The following ZNF621 variants were observed in gnomAD, a reference collection of about 807,000 sequenced individuals.
ZNF621 encodes the protein zinc finger protein 621.
A neutral mutation model predicts 12.7 loss-of-function variants in ZNF621; 6 were observed. The ratio of observed to expected loss-of-function variants is 0.47; its 90% CI spans 0.26 to 0.93. The LOEUF is 0.93. ZNF621 is among the 40% of genes least tolerant of loss of function. The probability of loss-of-function intolerance (pLI) is 0.15; values close to 1 mark genes in which losing one functional copy is unlikely to be tolerated. For synonymous variants in ZNF621, 156 were observed against 190.3 expected, an observed-to-expected ratio of 0.82 and a Z score of 1.48; for missense variants, 474 against 524.0, an observed-to-expected ratio of 0.90 and a Z score of 0.93.
At position 40,529,453 on chromosome 3, in the gene ZNF621, C is replaced by T; in HGVS notation, c.151+8C>T. ...CAAATGTGGCTTCTCTGGGTAAGGC[C>T]TCCCTCTGTGGCCCTTTGTAACAGT... On this transcript the variant is annotated splice_region_variant and intron_variant, in intron 3 of 4. Transcript: ENST00000339296. 1 of 1,612,532 alleles carries T rather than the reference C, an allele frequency of 6.2e-7. No individual in the cohort carries two copies. The highest frequency in any genetic ancestry group is 8.5e-7 in the Non-Finnish European group (1 of 1,178,992).
At chr3:40,530,912 A>G (rs1245251225) in intron 4 of ZNF621, among the ~76,000 whole-genome samples, 8 of 152,138 alleles carry the variant, frequency 5.3e-5, no homozygotes, top group African/African-American at 1.9e-4. Context: ...ACATGCACAC[A>G]CGCACATGTG....
rs765019605 is a variant in ZNF621, at chr3:40,532,360, A to G, written c.590A>G (p.His197Arg). ...AAGTCCAGCTATGATTGTATTGTAC[A>G]TGAGAAAAACCACATTGGAGAAGGG... ...AFKSSYDCIV[H>R]EKNHIGEGPY... The change falls in exon 5 of 5, where the codon CAT (histidine) becomes CGT (arginine). Residue 197 changes from histidine to arginine, a missense_variant. By Grantham distance (29) the His-to-Arg change is conservative. Coordinates refer to ENST00000339296, the MANE Select transcript of ZNF621 (RefSeq NM_198484.5). 2.5e-6 allele frequency: 4 copies of G among 1,612,750 alleles called. No individual in the cohort carries two copies. The highest frequency in any genetic ancestry group is 3.3e-5 in the Admixed American group (2 of 60,024).
chr3:40,530,139 G>A (rs1698687474), intron 3 of ZNF621, 70 bp from the exon 4 acceptor site: 4 of 1,324,736 alleles, frequency 3.0e-6, no homozygotes, highest in Non-Finnish European at 4.3e-6. Context: ...ATGGAGGGTG[G>A]GCTGAGAAAG....
In ZNF621 at chr3:40,525,840, C is replaced by T. The variant is rs924070349; in HGVS notation, c.-1C>T. On this transcript the variant is annotated 5_prime_UTR_variant, in exon 2 of 5. Transcript: ENST00000339296. ...GTGCATGAAGCCAGGGGACATCCGC[C>T]ATGCTCCAAACAACTTGGCCTCAGG... is the stretch of plus-strand genomic sequence containing the variant. 10 of 1,614,016 alleles carry T rather than the reference C, an allele frequency of 6.2e-6. No individual in the cohort carries two copies. Among genetic ancestry groups the T allele is most frequent in the Non-Finnish European group, 6.8e-6 (8 of 1,180,018 alleles).
At chr3:40,523,882 G>A (rs1575300749), upstream of ZNF621, among the ~76,000 whole-genome samples, 2 of 152,160 alleles carry the variant, frequency 1.3e-5, no homozygotes, top group Admixed American at 6.5e-5. Context: ...ACAGTAGTGA[G>A]GTACTTGCCA....
intron 4 of ZNF621, among the ~76,000 whole-genome samples, chr3:40,531,783 C>G (rs532462760): frequency 3.9e-5 from 6 of 152,082 alleles, no homozygotes; most frequent in African/African-American, 1.4e-4. Context: ...AGTCTGGTCT[C>G]GAACTCCTGA....
rs1276132895 is a variant in ZNF621 at position 40,534,575 on chromosome 3, A to C, written c.*1485A>C. 1 of 151,830 alleles carries C rather than the reference A, an allele frequency of 6.6e-6. No homozygotes were observed. Among genetic ancestry groups the C allele is most frequent in the African/African-American group, 2.4e-5 (1 of 41,300 alleles). The allele number at this position is 151,830 out of a possible 1,614,324, so 9.4% of individuals were successfully genotyped here. A position where few individuals can be genotyped will look rare whatever the true frequency, so the allele number is the denominator to read the frequency against. On this transcript the variant is annotated 3_prime_UTR_variant, in exon 5 of 5. Coordinates refer to ENST00000339296, the MANE Select transcript of ZNF621 (RefSeq NM_198484.5). ...TTTTTAAACTTTACCATGTGTCTGA[A>C]TTACATAGTGTGCTTGTAAAAAGAA...
In ZNF621 at chr3:40,525,045, C is replaced by T. The variant is rs1459669947; in HGVS notation, c.-292C>T. ...AGCGAGTTCTACGTGCCAGGTCCGC[C>T]CGGTGCCGGCTTCCTCGCTGCCCCT... is the stretch of plus-strand genomic sequence containing the variant. On this transcript the variant is annotated 5_prime_UTR_variant, in exon 1 of 5. Coordinates refer to ENST00000339296, the MANE Select transcript of ZNF621 (RefSeq NM_198484.5). 1 of 152,436 alleles carries T rather than the reference C, an allele frequency of 6.6e-6. No individual in the cohort carries two copies. Among genetic ancestry groups the T allele is most frequent in the Non-Finnish European group, 1.5e-5 (1 of 68,200 alleles). The allele number at this position is 152,436 out of a possible 1,614,324, so 9.4% of individuals were successfully genotyped here.
chr3:40,529,426 T>G lies in ZNF621; in HGVS notation c.132T>G (p.Tyr44Ter), dbSNP rs377511165. The G allele has an allele frequency of 6.2e-7, 1 of 1,613,456 alleles. No individual in the cohort carries two copies. Among genetic ancestry groups the G allele is most frequent in the Admixed American group, 1.7e-5 (1 of 60,004 alleles). The change falls in exon 3 of 5, where the codon TAT (tyrosine) becomes TAG (stop). Residue 44 changes from tyrosine to a stop codon, truncating the protein, a stop_gained. Transcript: ENST00000339296. LOFTEE classifies it high-confidence loss of function. ...ACGGGGAGGTGATGCTGGAGAATTA[T>G]GCAAATGTGGCTTCTCTGGGTAAGG... ...ALYGEVMLEN[Y>*]ANVASLVAFP...
rs1194989497 is a variant in ZNF621 at position 40,538,065 on chromosome 3, A to G, written c.*4975A>G. The stretch of plus-strand genomic sequence containing the variant: ...AAGTTGAAGCCAATGCTCATTTACC[A>G]TTCAGAAAATCCTAGGGCCCATAAG... On this transcript the variant is annotated 3_prime_UTR_variant, in exon 5 of 5. Transcript: ENST00000339296. 6.6e-6 allele frequency among the ~76,000 whole-genome samples: 1 copy of G among 152,228 alleles called. No individual in the cohort carries two copies. Among genetic ancestry groups the G allele is most frequent in the Non-Finnish European group, 1.5e-5 (1 of 68,040 alleles).
intron 2 of ZNF621, among the ~76,000 whole-genome samples, chr3:40,527,142 C>T (rs910251211): frequency 3.3e-5 from 5 of 151,322 alleles, no homozygotes; most frequent in Non-Finnish European, 5.9e-5. Context: ...CTCAGCCTCC[C>T]GAGTAGATGG....
At position 40,533,263 on chromosome 3, in the gene ZNF621, C is replaced by A; in HGVS notation, c.*173C>A. 1 of 1,081,450 alleles carries A rather than the reference C, an allele frequency of 9.2e-7. No homozygotes were observed. The highest frequency in any genetic ancestry group is 1.3e-6 in the Non-Finnish European group (1 of 783,660). 67.0% of individuals were successfully genotyped at this position (1,081,450 alleles called of 1,614,324 possible). ...TCAAGCGATTCTCCTCCTTCAGACT[C>A]TCGAATAGCTGGGATTACAGGCACG... On this transcript the variant is annotated 3_prime_UTR_variant, in exon 5 of 5. Coordinates refer to ENST00000339296, the MANE Select transcript of ZNF621 (RefSeq NM_198484.5).
rs376100550 is a variant in ZNF621 at position 40,534,948 on chromosome 3, C to T, written c.*1858C>T. 2.0e-5 allele frequency: 3 copies of T among 152,212 alleles called. No individual in the cohort carries two copies. The highest frequency in any genetic ancestry group is 4.8e-5 in the African/African-American group (2 of 41,446). The allele number at this position is 152,212 out of a possible 1,614,324, so 9.4% of individuals were successfully genotyped here. The stretch of plus-strand genomic sequence containing the variant: ...CCAGTAACTTCATGGAGGCCCTTAA[C>T]GTTTCCTGATGGTCATACTACAATT... On this transcript the variant is annotated 3_prime_UTR_variant, in exon 5 of 5. Coordinates refer to ENST00000339296, the MANE Select transcript of ZNF621 (RefSeq NM_198484.5).
chr3:40,529,378 C>T lies in ZNF621; in HGVS notation c.84C>T (p.Leu28=), dbSNP rs140173896. ...TCACCCAGAATCAATGGGCCAGCCT[C>T]GACCCTGCGCAGAGGGCCCTGTACG... ...VYFTQNQWAS[L]DPAQRALYGE... is the part of the protein sequence containing the mutation. The change falls in exon 3 of 5, where the codon CTC becomes CTT. Residue 28 remains leucine, a synonymous_variant. Transcript: ENST00000339296. 1.9e-4 allele frequency: 303 copies of T among 1,613,946 alleles called. 1 individual carries two copies. The South Asian group carries it at 2.0e-3, about 11-fold the overall frequency.
At chr3:40,527,975 C>T (rs72866457) in intron 2 of ZNF621, among the ~76,000 whole-genome samples, 7,410 of 152,218 alleles carry the variant, frequency 0.049, 618 homozygotes, top group African/African-American at 0.17. Context: ...CAGAGTAACA[C>T]GTTTGTGACA....
rs1353850262 is a variant in ZNF621 at position 40,536,766 on chromosome 3, A to G, written c.*3676A>G. On this transcript the variant is annotated 3_prime_UTR_variant, in exon 5 of 5. Transcript: ENST00000339296. ...GGATATTGCATTTTTTACAAACTGA[A>G]GGTTTGTGGCAGGCCTGTGTTGAGC... The G allele has an allele frequency of 6.6e-6, 1 of 152,136 alleles. No individual in the cohort carries two copies. Among genetic ancestry groups the G allele is most frequent in the Non-Finnish European group, 1.5e-5 (1 of 68,028 alleles). The allele number at this position is 152,136 out of a possible 1,614,324, so 9.4% of individuals were successfully genotyped here. A position where few individuals can be genotyped will look rare whatever the true frequency, so the allele number is the denominator to read the frequency against.
chr3:40,535,413 C>G lies in ZNF621; in HGVS notation c.*2323C>G, dbSNP rs550711985. 5 of 152,218 alleles carry G rather than the reference C, an allele frequency of 3.3e-5. No individual in the cohort carries two copies. The highest frequency in any genetic ancestry group is 1.2e-4 in the African/African-American group (5 of 41,448). The allele number at this position is 152,218 out of a possible 1,614,324, so 9.4% of individuals were successfully genotyped here. A position where few individuals can be genotyped will look rare whatever the true frequency, so the allele number is the denominator to read the frequency against. On this transcript the variant is annotated 3_prime_UTR_variant, in exon 5 of 5. Coordinates refer to ENST00000339296, the MANE Select transcript of ZNF621 (RefSeq NM_198484.5). ...TAGCTTACAAAATGTCTAAGAGGAG[C>G]TAAGCTGGGATGCCACATAGGCAGA...
intron 2 of ZNF621, among the ~76,000 whole-genome samples, chr3:40,526,206 C>T (rs1224741204): frequency 6.6e-6 from 1 of 152,182 alleles, no homozygotes; most frequent in Non-Finnish European, 1.5e-5. Context: ...CTCACTCTGT[C>T]GCCCAAGCTG....
rs527342223 is a variant in ZNF621, at chr3:40,534,421, T to C, written c.*1331T>C. The C allele has an allele frequency of 6.6e-6, 1 of 152,236 alleles. No individual in the cohort carries two copies. The highest frequency in any genetic ancestry group is 2.1e-4 in the South Asian group (1 of 4,822). 9.4% of individuals were successfully genotyped at this position (152,236 alleles called of 1,614,324 possible). A position where few individuals can be genotyped will look rare whatever the true frequency, so the allele number is the denominator to read the frequency against. ...AAAAGAACTTGAATTATGCATTTAT[T>C]GGCATTAATGTAAACAGTAAGTCCT... is the stretch of plus-strand genomic sequence containing the variant. On this transcript the variant is annotated 3_prime_UTR_variant, in exon 5 of 5. Transcript: ENST00000339296.
Sources: gnomAD v4.1 joint callset for allele counts (sites outside exome capture counted in the v4.1 genomes callset) on GRCh38, gnomAD v4.1.1 for gene constraint, MANE v1.5 for transcripts, NCBI Gene and HGNC (gene_info 2026-07-23, HGNC 2026-07-21) for gene names.